The following SLC35F3 variants were observed in gnomAD, a reference collection of about 807,000 sequenced individuals.
SLC35F3 encodes putative thiamine transporter SLC35F3.
In SLC35F3, 25 loss-of-function variants were observed where a neutral mutation model predicts 49.9. That is an observed-to-expected ratio of 0.50 (90% CI 0.37 to 0.70). The LOEUF (loss-of-function observed/expected upper bound fraction) is 0.70, where lower values mean the gene tolerates loss of function less well. SLC35F3 is among the 30% of genes least tolerant of loss of function. The pLI, the probability that SLC35F3 is intolerant of heterozygous loss-of-function variation, is 0.00. For synonymous variants in SLC35F3, 275 were observed against 265.4 expected, an observed-to-expected ratio of 1.04 and a Z score of -0.35; for missense variants, 525 against 639.8, an observed-to-expected ratio of 0.82 and a Z score of 1.94.
At chr1:234,279,033 A>G (rs1184816545) in intron 3 of SLC35F3, among the ~76,000 whole-genome samples, 1 of 152,188 alleles carries the variant, frequency 6.6e-6, no homozygotes, top group East Asian at 1.9e-4. Flanking sequence ...ACATGTGCCC[A>G]AGGTGGTCCG....
intron 3 of SLC35F3, among the ~76,000 whole-genome samples, chr1:234,262,560 G>C (rs1667921490): frequency 6.6e-6 from 1 of 152,160 alleles, no homozygotes; most frequent in Non-Finnish European, 1.5e-5. Context: ...TAGGTAAGCT[G>C]TTTTTATTAC....
intron 2 of SLC35F3, among the ~76,000 whole-genome samples, chr1:234,022,256 C>T (rs1383612480): frequency 4.6e-5 from 7 of 152,092 alleles, no homozygotes; most frequent in Non-Finnish European, 1.0e-4. Flanking sequence ...ATAAACAAAA[C>T]CAACAGGTTG....
rs1303880842 is a variant in SLC35F3 at position 234,065,215 on chromosome 1, C to T, written c.283+159457C>T. ...AGACTGGAGTGCAGTAGCACAATCT[C>T]GGCTTACTGCAACTTCGGCCTCCTG... is the stretch of plus-strand genomic sequence containing the variant. On this transcript the variant is annotated intron_variant, in intron 2 of 7. Coordinates refer to ENST00000366618, the MANE Select transcript of SLC35F3 (RefSeq NM_173508.4). Among the ~76,000 whole-genome samples, 3 of 152,002 alleles carry T rather than the reference C, an allele frequency of 2.0e-5. 1 individual carries two copies. Among genetic ancestry groups the T allele is most frequent in the Admixed American group, 1.3e-4 (2 of 15,262 alleles).
At chr1:234,279,063 C>A (rs1176336764) in intron 3 of SLC35F3, among the ~76,000 whole-genome samples, 1 of 152,130 alleles carries the variant, frequency 6.6e-6, no homozygotes, top group East Asian at 1.9e-4. Flanking sequence ...TGGTTTTATG[C>A]ATTTTAGAGA....
At chr1:233,978,722 G>A (rs1429609599) in intron 2 of SLC35F3, among the ~76,000 whole-genome samples, 3 of 152,156 alleles carry the variant, frequency 2.0e-5, no homozygotes, top group Admixed American at 1.3e-4. Flanking sequence ...GAAAGTAAGG[G>A]AAAATAGTTG....
intron 2 of SLC35F3, among the ~76,000 whole-genome samples, chr1:233,912,831 A>G (rs1265546571): frequency 6.6e-6 from 1 of 152,212 alleles, no homozygotes; most frequent in Non-Finnish European, 1.5e-5. Context: ...TCCTTTTAGT[A>G]TTTTCAGACC....
In SLC35F3 at chr1:234,290,207, A is replaced by G. The variant is rs148984968; in HGVS notation, c.609-18894A>G. 6.4e-3 allele frequency among the ~76,000 whole-genome samples: 976 copies of G among 152,350 alleles called. 39 individuals carry two copies. Among genetic ancestry groups the G allele is most frequent in the Admixed American group, 0.056 (855 of 15,304 alleles). Reference sequence around the variant, plus strand: ...AAGAGATATGGAATGACAAGACACAATGGAATGTTAAGAGATGATAAGAAG... The same window carrying G: ...AAGAGATATGGAATGACAAGACACAGTGGAATGTTAAGAGATGATAAGAAG... On this transcript the variant is annotated intron_variant, in intron 3 of 7. Coordinates refer to ENST00000366618, the MANE Select transcript of SLC35F3 (RefSeq NM_173508.4).
At chr1:234,208,977 T>C (rs1004612274) in intron 2 of SLC35F3, among the ~76,000 whole-genome samples, 18 of 152,182 alleles carry the variant, frequency 1.2e-4, no homozygotes, top group Admixed American at 2.6e-4. Context: ...CAGTACATTC[T>C]TAGAAGATGA....
intron 3 of SLC35F3, among the ~76,000 whole-genome samples, chr1:234,258,774 A>T (rs114470881): frequency 6.6e-6 from 1 of 152,370 alleles, no homozygotes; most frequent in African/African-American, 2.4e-5. Flanking sequence ...TTGCAAAGGC[A>T]TTTCAGTTTC....
rs1416887809 is a variant in SLC35F3 at position 234,106,872 on chromosome 1, A to G, written c.284-124545A>G. On this transcript the variant is annotated intron_variant, in intron 2 of 7. Coordinates refer to ENST00000366618, the MANE Select transcript of SLC35F3 (RefSeq NM_173508.4). ...ACGGCCAAGTGGCAGAATGAAGAAC[A>G]TTGGTCTTTGATAACAATAAGGATC... 3.9e-5 allele frequency among the ~76,000 whole-genome samples: 6 copies of G among 152,198 alleles called. No homozygotes were observed. In the East Asian group the frequency reaches 1.2e-3, roughly 29 times the overall value.
chr1:234,287,900 TTAGAGAGG>T (rs1174024064), intron 3 of SLC35F3, among the ~76,000 whole-genome samples: 8 of 152,230 alleles, frequency 5.3e-5, no homozygotes, highest in African/African-American at 1.9e-4. Context: ...GAAATTTTTT[TTAGAGAGG>T]TAGAGTCTTG....
In SLC35F3 at chr1:233,941,954, G is replaced by GT. The variant is rs141578626; in HGVS notation, c.283+36203dup. ...CTTGTGCCTCTTGGGGTTGTTTTTTGTTTTTTTGTTTTTTTTTTTTTTTTT... is the reference window on the plus strand; with the variant it reads ...CTTGTGCCTCTTGGGGTTGTTTTTTGTTTTTTTTGTTTTTTTTTTTTTTTTT... On this transcript the variant is annotated intron_variant, in intron 2 of 7. Transcript: ENST00000366618. Among the ~76,000 whole-genome samples the GT allele has an allele frequency of 2.8e-3, 332 of 120,118 alleles. 5 individuals carry two copies. The highest frequency in any genetic ancestry group is 6.1e-3 in the African/African-American group (177 of 28,976). 78.8% of individuals were successfully genotyped at this position (120,118 alleles called of 152,430 possible). A position where few individuals can be genotyped will look rare whatever the true frequency, so the allele number is the denominator to read the frequency against.
chr1:234,115,352 T>C (rs1177463699), intron 2 of SLC35F3, among the ~76,000 whole-genome samples: 1 of 152,228 alleles, frequency 6.6e-6, no homozygotes, highest in African/African-American at 2.4e-5. Flanking sequence ...TTTTAATTTG[T>C]GTCCTTTGTC....
intron 2 of SLC35F3, among the ~76,000 whole-genome samples, chr1:233,920,798 ATG>A (rs1662045369): frequency 6.6e-6 from 1 of 152,236 alleles, no homozygotes; most frequent in African/African-American, 2.4e-5. Flanking sequence ...GTGGCAAAGG[ATG>A]GCAGGCGGCC....
At chr1:234,189,430 A>G (rs971524292) in intron 2 of SLC35F3, among the ~76,000 whole-genome samples, 3 of 151,788 alleles carry the variant, frequency 2.0e-5, no homozygotes, top group Non-Finnish European at 4.4e-5. Context: ...TGTACTGGAA[A>G]GTCTCAGCAA....
At chr1:234,312,772 C>A (rs1342325884) in intron 4 of SLC35F3, among the ~76,000 whole-genome samples, 2 of 152,154 alleles carry the variant, frequency 1.3e-5, no homozygotes, top group East Asian at 1.9e-4. Context: ...TGTAGCTGTG[C>A]AAATCTAAAA....
chr1:233,927,259 G>C (rs1172775606), intron 2 of SLC35F3, among the ~76,000 whole-genome samples: 1 of 151,920 alleles, frequency 6.6e-6, no homozygotes, highest in Non-Finnish European at 1.5e-5. Context: ...CAACTCCTTT[G>C]GGTAAATGTT....
intron 2 of SLC35F3, among the ~76,000 whole-genome samples, chr1:233,959,166 C>T (rs1662752765): frequency 6.6e-6 from 1 of 151,974 alleles, no homozygotes; most frequent in Admixed American, 6.6e-5. Context: ...GTCTCTTTTT[C>T]CTAATCACCT....
chr1:234,281,146 A>G (rs888885314), intron 3 of SLC35F3, among the ~76,000 whole-genome samples: 1 of 151,938 alleles, frequency 6.6e-6, no homozygotes, highest in African/African-American at 2.4e-5. Flanking sequence ...ATGTAACTGC[A>G]TTTGGAGATA....
Sources: allele counts gnomAD v4.1 joint callset (sites outside exome capture counted in the v4.1 genomes callset), GRCh38; gene constraint gnomAD v4.1.1; transcripts MANE v1.5; gene names NCBI Gene and HGNC (gene_info 2026-07-23, HGNC 2026-07-21).